The following FGF12 variants were observed in gnomAD, a reference collection of about 807,000 sequenced individuals.
The protein encoded by FGF12 is fibroblast growth factor 12.
Under a neutral mutation model 23.6 loss-of-function variants are expected in FGF12, and 14 were observed. The observed-to-expected ratio is 0.59, with a 90% confidence interval of 0.39 to 0.93. The LOEUF (loss-of-function observed/expected upper bound fraction) is 0.93. Ranked by LOEUF, FGF12 falls within the 40% of genes least tolerant of loss-of-function variation. The probability of loss-of-function intolerance (pLI) is 0.00; values close to 1 mark genes in which losing one functional copy is unlikely to be tolerated. For synonymous variants in FGF12, 62 were observed against 77.3 expected (o/e 0.80, Z 1.04); for missense variants, 175 against 217.8 (o/e 0.80, Z 1.24).
At chr3:192,332,586 C>T (rs1200858489) in intron 4 of FGF12, among the ~76,000 whole-genome samples, 1 of 152,078 alleles carries the variant, frequency 6.6e-6, no homozygotes, top group Non-Finnish European at 1.5e-5. Context: ...GTCTTTGACA[C>T]TCTCTCCTCC....
Position 192,512,856 on chromosome 3 carries a change from AT to A in FGF12, c.14-152319del, listed in dbSNP as rs1372134418. 5.8e-4 allele frequency among the ~76,000 whole-genome samples: 79 copies of A among 135,176 alleles called. 4 individuals are homozygous for A. Among genetic ancestry groups the A allele is most frequent in the African/African-American group, 1.7e-3 (61 of 36,938 alleles). The allele number at this position is 135,176 out of a possible 152,430, so 88.7% of individuals were successfully genotyped here. ...AATAAATATATATATATATATATAT[AT>A]ATAACAGGCTATGTCTATCATTTCC... On this transcript the variant is annotated intron_variant, in intron 2 of 5. Coordinates refer to ENST00000445105, the MANE Select transcript of FGF12 (RefSeq NM_004113.6).
At chr3:192,508,761 T>C (rs985783139) in intron 2 of FGF12, among the ~76,000 whole-genome samples, 6 of 152,242 alleles carry the variant, frequency 3.9e-5, no homozygotes, top group African/African-American at 1.4e-4. Context: ...GAGATACTAC[T>C]CATTTCCATT....
intron 2 of FGF12, among the ~76,000 whole-genome samples, chr3:192,600,316 T>C (rs933553450): frequency 5.3e-5 from 8 of 152,064 alleles, no homozygotes; most frequent in African/African-American, 1.7e-4. Context: ...TTTTGAAGTC[T>C]GGTAGTGTGA....
intron 2 of FGF12, among the ~76,000 whole-genome samples, chr3:192,494,480 T>C (rs558843828): frequency 6.6e-6 from 1 of 152,282 alleles, no homozygotes; most frequent in Admixed American, 6.5e-5. Flanking sequence ...CTTCAATCTC[T>C]CTTCTTTAGG....
chr3:192,365,008 C>T (rs556949492), intron 2 of FGF12, among the ~76,000 whole-genome samples: 15 of 152,164 alleles, frequency 9.9e-5, no homozygotes, highest in African/African-American at 3.6e-4. Flanking sequence ...CTCCAAAAAA[C>T]CCACAACCCC....
chr3:192,661,527 T>C (rs1365353828), intron 2 of FGF12, among the ~76,000 whole-genome samples: 1 of 152,042 alleles, frequency 6.6e-6, no homozygotes, highest in East Asian at 1.9e-4. Context: ...TCGGTCTCAG[T>C]AAAAATTAAA....
intron 4 of FGF12, among the ~76,000 whole-genome samples, chr3:192,309,962 G>A (rs1236343913): frequency 6.6e-6 from 1 of 152,056 alleles, no homozygotes; most frequent in African/African-American, 2.4e-5. Context: ...GAGATGGGCT[G>A]AATTAAACTA....
intron 4 of FGF12, among the ~76,000 whole-genome samples, chr3:192,317,083 G>A (rs1012832594): frequency 1.3e-5 from 2 of 152,040 alleles, no homozygotes; most frequent in African/African-American, 2.4e-5. Context: ...TGAATAATTA[G>A]CAGTGGAGGC....
chr3:192,407,472 G>T (rs925856131), intron 2 of FGF12, among the ~76,000 whole-genome samples: 1 of 152,176 alleles, frequency 6.6e-6, no homozygotes, highest in African/African-American at 2.4e-5. Flanking sequence ...ATTGACAAGG[G>T]CGTCTGAAAG....
intron 2 of FGF12, chr3:192,673,418 G>A (rs1302306261): frequency 6.6e-6 from 1 of 151,150 alleles, no homozygotes; most frequent in Admixed American, 6.6e-5. Flanking sequence ...GGATACATGT[G>A]TAGAACGTGC....
At chr3:192,300,347 C>T (rs73066531) in intron 4 of FGF12, among the ~76,000 whole-genome samples, 1,532 of 152,168 alleles carry the variant, frequency 0.01, 22 homozygotes, top group African/African-American at 0.035. Context: ...TCATTGAGGC[C>T]GATTATGAAA....
intron 2 of FGF12, among the ~76,000 whole-genome samples, chr3:192,671,437 G>A (rs149345790): frequency 1.6e-3 from 242 of 152,198 alleles, no homozygotes; most frequent in Non-Finnish European, 1.0e-3. Flanking sequence ...GGCTTTCAGC[G>A]GAAATTCCAT....
intron 2 of FGF12, among the ~76,000 whole-genome samples, chr3:192,412,009 A>C (rs1448434864): frequency 6.6e-6 from 1 of 152,134 alleles, no homozygotes; most frequent in Non-Finnish European, 1.5e-5. Flanking sequence ...GCTTGTTAAC[A>C]TGCTGATTCC....
At chr3:192,296,665 A>G (rs1715060338) in intron 4 of FGF12, among the ~76,000 whole-genome samples, 1 of 152,232 alleles carries the variant, frequency 6.6e-6, no homozygotes, top group Non-Finnish European at 1.5e-5. Flanking sequence ...TTAGGTCTTC[A>G]TAAGAAATGA....
chr3:192,706,607 C>T (rs138529450), intron 2 of FGF12, among the ~76,000 whole-genome samples: 37 of 152,200 alleles, frequency 2.4e-4, no homozygotes, highest in Non-Finnish European at 4.6e-4. Context: ...AGTACAATAT[C>T]GTTTACAAAG....
intron 4 of FGF12, among the ~76,000 whole-genome samples, chr3:192,257,961 G>T (rs898000166): frequency 6.6e-6 from 1 of 151,364 alleles, no homozygotes; most frequent in Non-Finnish European, 1.5e-5. Context: ...CAATCCTTAC[G>T]GTACCCTGTG....
intron 2 of FGF12, among the ~76,000 whole-genome samples, chr3:192,400,345 A>G (rs999827215): frequency 7.9e-5 from 12 of 151,656 alleles, no homozygotes; most frequent in African/African-American, 2.4e-4. Context: ...AATAAAACCC[A>G]ATCTTCCACC....
At chr3:192,305,522 C>T (rs1244695990) in intron 4 of FGF12, among the ~76,000 whole-genome samples, 1 of 151,986 alleles carries the variant, frequency 6.6e-6, no homozygotes, top group Non-Finnish European at 1.5e-5. Context: ...CCATCGCCGT[C>T]TCTCTTCCAG....
At chr3:192,375,293 T>A (rs1310358585) in intron 2 of FGF12, among the ~76,000 whole-genome samples, 1 of 152,212 alleles carries the variant, frequency 6.6e-6, no homozygotes, top group Non-Finnish European at 1.5e-5. Flanking sequence ...TATTATGCAT[T>A]TCTTTGCTTC....
Sources: allele counts gnomAD v4.1 joint callset (sites outside exome capture counted in the v4.1 genomes callset), GRCh38; gene constraint gnomAD v4.1.1; transcripts MANE v1.5; gene names NCBI Gene and HGNC (gene_info 2026-07-23, HGNC 2026-07-21).